UROS: variants seen among roughly 807,000 people sequenced by gnomAD.
UROS encodes the protein uroporphyrinogen-III synthase.
UROS carries 18 observed loss-of-function variants against 33.0 expected under a neutral mutation model. The observed-to-expected ratio is 0.55, with a 90% CI of 0.38 to 0.81. The LOEUF is 0.81. Ranked by LOEUF, UROS falls within the 30% of genes least tolerant of loss-of-function variation. The pLI, the probability that UROS is intolerant of heterozygous loss-of-function variation, is 0.00. For missense variants in UROS, 293 were observed against 314.9 expected, an observed-to-expected ratio of 0.93 and a Z score of 0.53; for synonymous variants, 114 against 121.1, an observed-to-expected ratio of 0.94 and a Z score of 0.38.
downstream of UROS, among the ~76,000 whole-genome samples, chr10:125,787,526 G>A (rs1004972874): frequency 6.6e-5 from 10 of 152,088 alleles, no homozygotes; most frequent in African/African-American, 2.4e-4. Flanking sequence ...CCTGCTGCTT[G>A]GGCTTTATTC....
At chr10:125,795,040 C>G (rs1431912783) in intron 8 of UROS, 62 bp from the exon 9 acceptor site, 1 of 1,491,504 alleles carries the variant, frequency 6.7e-7, no homozygotes, top group East Asian at 2.3e-5. Context: ...CAACATTCCT[C>G]CGGCTTCATC....
At position 125,788,597 on chromosome 10, in the gene UROS, AGT is replaced by A. The variant is rs1177318001; in HGVS notation, c.*269_*270del. 2.2e-5 allele frequency: 31 copies of A among 1,387,326 alleles called. No individual in the cohort carries two copies. The highest frequency in any genetic ancestry group is 2.5e-5 in the Non-Finnish European group (27 of 1,071,728). The allele number at this position is 1,387,326 out of a possible 1,614,324, so 85.9% of individuals were successfully genotyped here. ...ATACACTCAGTAAGCACAGGTAGTC[AGT>A]GTGGTTTATTTGACTTCCTTCCTGC... On this transcript the variant is annotated 3_prime_UTR_variant, in exon 10 of 10. Transcript: ENST00000368797.
intron 1 of UROS, among the ~76,000 whole-genome samples, chr10:125,820,088 C>T (rs1259876571): frequency 6.6e-6 from 1 of 152,150 alleles, no homozygotes; most frequent in Non-Finnish European, 1.5e-5. Flanking sequence ...CAACAGTCAC[C>T]CTTTTACTGA....
chr10:125,802,162 C>G, intron 6 of UROS: 2 of 985,458 alleles, frequency 2.0e-6, no homozygotes, highest in Non-Finnish European at 2.4e-6. Context: ...AAACAAAAAG[C>G]CTGGAGCCAG....
rs368120912 is a variant in UROS, at chr10:125,815,771, C to A, written c.147+406G>T. The stretch of plus-strand genomic sequence containing the variant: ...GAGTCCCAGCCCTGTCTCTTACTTG[C>A]TAGAGGTCTTAGCTGAGTTGCCTAA... On this transcript the variant is annotated intron_variant, in intron 3 of 9. Transcript: ENST00000368797. Among the ~76,000 whole-genome samples, 10 of 152,336 alleles carry A rather than the reference C, an allele frequency of 6.6e-5. No homozygotes were observed. The East Asian group carries it at 1.9e-3, about 29-fold the overall frequency.
chr10:125,819,031 C>A (rs1192482130), intron 1 of UROS, among the ~76,000 whole-genome samples: 1 of 152,066 alleles, frequency 6.6e-6, no homozygotes, highest in African/African-American at 2.4e-5. Flanking sequence ...GTCGCCCAGG[C>A]TGGAGTGCAG....
chr10:125,802,258 C>T (rs188102208), intron 6 of UROS: 1 of 985,628 alleles, frequency 1.0e-6, no homozygotes, highest in Admixed American at 6.1e-5. Context: ...AGGAGCGATC[C>T]CATGGGGCTG....
At chr10:125,795,558 C>T (rs1421488311) in intron 8 of UROS, among the ~76,000 whole-genome samples, 12 of 152,112 alleles carry the variant, frequency 7.9e-5, no homozygotes, top group Non-Finnish European at 1.3e-4. Context: ...TCCAACAGTC[C>T]CCACGGACTC....
At chr10:125,817,962 T>C (rs1193740680) in intron 1 of UROS, among the ~76,000 whole-genome samples, 2 of 152,196 alleles carry the variant, frequency 1.3e-5, no homozygotes, top group African/African-American at 2.4e-5. Context: ...AATCTACCCA[T>C]TGTAAACAGA....
At chr10:125,795,039 T>A in intron 8 of UROS, 61 bp from the exon 9 acceptor site, 1 of 1,489,228 alleles carries the variant, frequency 6.7e-7, no homozygotes, top group Non-Finnish European at 9.4e-7. Context: ...ACAACATTCC[T>A]CCGGCTTCAT....
chr10:125,813,258 C>T (rs1365659836), intron 4 of UROS, among the ~76,000 whole-genome samples: 6 of 152,148 alleles, frequency 3.9e-5, no homozygotes, highest in Non-Finnish European at 7.4e-5. Context: ...TAACGCACCT[C>T]GTCTGTTTCT....
At chr10:125,818,159 C>T (rs1188135198) in intron 1 of UROS, among the ~76,000 whole-genome samples, 1 of 152,120 alleles carries the variant, frequency 6.6e-6, no homozygotes, top group Non-Finnish European at 1.5e-5. Flanking sequence ...ATCCTGTATA[C>T]AATCATTCCC....
intron 6 of UROS, among the ~76,000 whole-genome samples, 162 bp from the exon 7 acceptor site, chr10:125,798,307 C>T (rs1851534029): frequency 6.6e-6 from 1 of 152,148 alleles, no homozygotes; most frequent in Admixed American, 6.5e-5. Context: ...AGAGCACCTG[C>T]TACCTTGCCG....
chr10:125,812,428 C>T, intron 4 of UROS, 140 bp from the exon 5 acceptor site: 1 of 749,662 alleles, frequency 1.3e-6, no homozygotes, highest in South Asian at 1.6e-5. Flanking sequence ...GCATCTCAAA[C>T]TAAAATTCCA....
intron 6 of UROS, chr10:125,802,601 G>A (rs1851937699): frequency 2.5e-5 from 26 of 1,040,678 alleles, no homozygotes; most frequent in Middle Eastern, 4.7e-4. Context: ...AGGGCCAACC[G>A]TCTTTACTAG....
chr10:125,819,378 C>A (rs1853648812), intron 1 of UROS, among the ~76,000 whole-genome samples: 1 of 152,136 alleles, frequency 6.6e-6, no homozygotes, highest in Non-Finnish European at 1.5e-5. Flanking sequence ...TCTGAGGAGA[C>A]AAGATTGAGG....
intron 6 of UROS, chr10:125,807,078 G>A: frequency 2.9e-6 from 1 of 343,790 alleles, no homozygotes; most frequent in Non-Finnish European, 5.5e-6. Context: ...ACAGTCCTCA[G>A]TAAGGGGAGA....
intron 1 of UROS, among the ~76,000 whole-genome samples, chr10:125,818,673 G>A (rs1853580574): frequency 6.6e-6 from 1 of 152,148 alleles, no homozygotes; most frequent in Non-Finnish European, 1.5e-5. Context: ...AGTAGAGGGT[G>A]TTTGCACAGG....
intron 5 of UROS, 86 bp downstream of exon 5, chr10:125,812,128 A>G (rs2133925549): frequency 1.5e-6 from 2 of 1,330,886 alleles, no homozygotes; most frequent in Non-Finnish European, 2.1e-6. Context: ...GCAAAAAATA[A>G]TATTTTTAAA....
Sources: allele counts gnomAD v4.1 joint callset (sites outside exome capture counted in the v4.1 genomes callset), GRCh38; gene constraint gnomAD v4.1.1; transcripts MANE v1.5; gene names NCBI Gene and HGNC (gene_info 2026-07-23, HGNC 2026-07-21).